Variants in VPS13A observed in about 807,000 individuals in gnomAD.
VPS13A encodes intermembrane lipid transfer protein VPS13A.
A neutral mutation model predicts 390.9 loss-of-function variants in VPS13A; 264 were observed. The ratio of observed to expected loss-of-function variants is 0.68; its 90% CI spans 0.61 to 0.75. The LOEUF is 0.75. Ranked by LOEUF, VPS13A falls within the 30% of genes least tolerant of loss-of-function variation. VPS13A has a pLI of 0.00. For missense variants in VPS13A, 3,409 were observed against 3,733.9 expected (o/e 0.91, Z 2.27); for synonymous variants, 1,231 against 1,227.1 (o/e 1.00, Z -0.07).
chr9:77,199,480 A>G (rs1431822095), intron 1 of VPS13A, among the ~76,000 whole-genome samples: 1 of 152,092 alleles, frequency 6.6e-6, no homozygotes, highest in Non-Finnish European at 1.5e-5. Flanking sequence ...TAGTTCTTAG[A>G]CATTCTGTTC....
At chr9:77,365,313 A>G (rs1487039756) in intron 59 of VPS13A, 147 bp from the exon 60 acceptor site, 2 of 630,956 alleles carry the variant, frequency 3.2e-6, no homozygotes, top group Non-Finnish European at 5.7e-6. Flanking sequence ...TCCTATAGAT[A>G]GAGATGTTAC....
chr9:77,317,642 CAGAA>C lies in VPS13A; in HGVS notation c.4903_4906del (p.Lys1635ValfsTer6). ...CTGTGACTTGTTTTATCAAACTACT[CAGAA>C]AGGTACAGATCCACAAGTGATCGAT... is the stretch of plus-strand genomic sequence containing the variant. On this transcript the variant is annotated frameshift_variant, in exon 40 of 72. Coordinates refer to ENST00000360280, the MANE Select transcript of VPS13A (RefSeq NM_033305.3). LOFTEE classifies it high-confidence loss of function. 2 of 1,602,764 alleles carry C rather than the reference CAGAA, an allele frequency of 1.2e-6. No homozygotes were observed. Among genetic ancestry groups the C allele is most frequent in the Non-Finnish European group, 1.7e-6 (2 of 1,174,054 alleles).
intron 52 of VPS13A, among the ~76,000 whole-genome samples, chr9:77,350,205 C>A (rs1464191734): frequency 6.6e-6 from 1 of 152,104 alleles, no homozygotes; most frequent in Non-Finnish European, 1.5e-5. Context: ...CAACCTCTTT[C>A]CAAATTCTTA....
chr9:77,268,481 A>G (rs1029429744), intron 23 of VPS13A, among the ~76,000 whole-genome samples: 9 of 152,152 alleles, frequency 5.9e-5, no homozygotes, highest in African/African-American at 1.9e-4. Context: ...GGTTGCATCT[A>G]CTGTCTAACC....
At chr9:77,323,406 A>T (rs1348367665) in intron 45 of VPS13A, among the ~76,000 whole-genome samples, 179 bp downstream of exon 45, 1 of 152,162 alleles carries the variant, frequency 6.6e-6, no homozygotes, top group Non-Finnish European at 1.5e-5. Context: ...GGGTGGTAGG[A>T]ATTTGTTCAA....
At chr9:77,248,944 C>CTGG (rs1289565270) in intron 20 of VPS13A, among the ~76,000 whole-genome samples, 1 of 152,166 alleles carries the variant, frequency 6.6e-6, no homozygotes, top group Admixed American at 6.5e-5. Flanking sequence ...GCTGGTCAGG[C>CTGG]TGGTCTTGAG....
At chr9:77,283,140 A>T (rs1827136765) in intron 29 of VPS13A, among the ~76,000 whole-genome samples, 1 of 152,154 alleles carries the variant, frequency 6.6e-6, no homozygotes, top group Non-Finnish European at 1.5e-5. Context: ...TTCTTGAAAC[A>T]GTGTTGTCTA....
chr9:77,345,656 A>G (rs1359582986), intron 52 of VPS13A, among the ~76,000 whole-genome samples: 1 of 152,140 alleles, frequency 6.6e-6, no homozygotes, highest in Admixed American at 6.5e-5. Flanking sequence ...ACTACAGGTT[A>G]TGCAAGTTTC....
chr9:77,365,315 A>T (rs1832373576), intron 59 of VPS13A, 145 bp from the exon 60 acceptor site: 1 of 634,692 alleles, frequency 1.6e-6, no homozygotes, highest in South Asian at 1.8e-5. Flanking sequence ...CTATAGATAG[A>T]GATGTTACTT....
rs1825076467 is a variant in VPS13A at position 77,250,221 on chromosome 9, G to A, written c.2162G>A (p.Ser721Asn). 2 of 1,613,324 alleles carry A rather than the reference G, an allele frequency of 1.2e-6. No homozygotes were observed. The highest frequency in any genetic ancestry group is 1.7e-6 in the Non-Finnish European group (2 of 1,179,872). ...CTTACAAGTGTACAGCTGCTTTACA[G>A]TAGAGTTGGTGAGTATAAAATGCAT... ...IQLTSVQLLYSRVGDNWREAR... is the reference protein window; with the variant it reads ...IQLTSVQLLYNRVGDNWREAR... The change falls in exon 21 of 72, where the codon AGT (serine) becomes AAT (asparagine). Residue 721 changes from serine (S) to asparagine (N), a missense_variant. Ser to Asn is a conservative substitution (Grantham distance 46). This residue lies in a region of VPS13A where 2,717 missense variants were observed against 2,917.4 expected (regional missense o/e 0.93). Transcript: ENST00000360280.
At chr9:77,260,752 C>T (rs1825713212) in intron 23 of VPS13A, among the ~76,000 whole-genome samples, 1 of 152,076 alleles carries the variant, frequency 6.6e-6, no homozygotes, top group South Asian at 2.1e-4. Context: ...TTTCTGCAGC[C>T]TCCAATCCCT....
chr9:77,368,383 A>G (rs1177690107), intron 62 of VPS13A, among the ~76,000 whole-genome samples: 1 of 152,248 alleles, frequency 6.6e-6, no homozygotes, highest in African/African-American at 2.4e-5. Context: ...AAATAAATAA[A>G]TCTTTAAATA....
intron 27 of VPS13A, among the ~76,000 whole-genome samples, chr9:77,280,666 G>C (rs979934145): frequency 6.6e-6 from 1 of 151,978 alleles, no homozygotes; most frequent in African/African-American, 2.4e-5. Flanking sequence ...TTTATCGTTT[G>C]TTAAGCTTTT....
At chr9:77,218,354 C>T (rs183763338) in intron 10 of VPS13A, among the ~76,000 whole-genome samples, 1 of 152,208 alleles carries the variant, frequency 6.6e-6, no homozygotes, top group Non-Finnish European at 1.5e-5. Flanking sequence ...ACCTCATGAT[C>T]TGCCTGCCTC....
intron 1 of VPS13A, among the ~76,000 whole-genome samples, chr9:77,199,150 A>AT (rs1344003374): frequency 6.6e-6 from 1 of 151,876 alleles, no homozygotes; most frequent in Non-Finnish European, 1.5e-5. Context: ...GGTTTAGTTA[A>AT]TTTTTTATAG....
chr9:77,356,709 A>C lies in VPS13A; in HGVS notation c.7653-5A>C. ...AATACTATGATTTTTGCTTTCTTAA[A>C]TAAGTTCTGATGTGGTTTGGGAAAC... is the stretch of plus-strand genomic sequence containing the variant. On this transcript the variant is annotated splice_region_variant and splice_polypyrimidine_tract_variant and intron_variant, in intron 54 of 71. Coordinates refer to ENST00000360280, the MANE Select transcript of VPS13A (RefSeq NM_033305.3). The C allele has an allele frequency of 6.2e-7, 1 of 1,605,994 alleles. No homozygotes were observed. Among genetic ancestry groups the C allele is most frequent in the Non-Finnish European group, 8.5e-7 (1 of 1,175,254 alleles).
chr9:77,286,324 C>A (rs1378612463), intron 31 of VPS13A, among the ~76,000 whole-genome samples: 1 of 152,138 alleles, frequency 6.6e-6, no homozygotes, highest in Non-Finnish European at 1.5e-5. Flanking sequence ...GGGTGCCCAC[C>A]AGGGAGGCTG....
At chr9:77,372,188 A>G (rs1199796877) in intron 67 of VPS13A, among the ~76,000 whole-genome samples, 4 of 151,598 alleles carry the variant, frequency 2.6e-5, no homozygotes, top group Admixed American at 2.0e-4. Flanking sequence ...GGCTGGGTCA[A>G]ATGGTATTTC....
Position 77,295,787 on chromosome 9 carries a change from C to G in VPS13A, c.3753C>G (p.Ser1251Arg), listed in dbSNP as rs759933502. The change falls in exon 33 of 72, where the codon AGC becomes AGG. Residue 1251 changes from serine (S) to arginine (R), a missense_variant. Physicochemically the swap from Ser to Arg is moderately radical, Grantham distance 110 (BLOSUM62 -1). Around this residue, in one of 5 missense-constraint regions of VPS13A, gnomAD observed 2,717 missense variants for 2,917.4 expected, o/e 0.93. Coordinates refer to ENST00000360280, the MANE Select transcript of VPS13A (RefSeq NM_033305.3). ...NTFHMITESQ[S>R]SPPPVIDLIT... is the part of the protein sequence containing the mutation. ...TTCATATGATAACAGAGAGCCAGAG[C>G]TCTCCCCCACCTGTTATTGATTTGA... is the stretch of plus-strand genomic sequence containing the variant. 6 of 1,614,004 alleles carry G rather than the reference C, an allele frequency of 3.7e-6. No homozygotes were observed. The highest frequency in any genetic ancestry group is 5.1e-6 in the Non-Finnish European group (6 of 1,179,942).
Sources: gnomAD v4.1 joint callset for allele counts (sites outside exome capture counted in the v4.1 genomes callset) on GRCh38, gnomAD v4.1.1 for gene constraint, gnomAD v4.1.1 regional missense constraint, MANE v1.5 for transcripts, NCBI Gene and HGNC (gene_info 2026-07-23, HGNC 2026-07-21) for gene names.